Variants in EDIL3 observed in about 807,000 individuals in gnomAD.
EDIL3 encodes the protein EGF like and discoidin domains 3, also known as EGF-like repeat and discoidin I-like domain-containing protein 3.
Under a neutral mutation model 67.4 loss-of-function variants are expected in EDIL3, and 37 were observed. The ratio of observed to expected loss-of-function variants is 0.55; its 90% CI spans 0.42 to 0.72. EDIL3 has a LOEUF of 0.72. Among genes scored for constraint, EDIL3 ranks in the 30% least tolerant of loss-of-function variants. The pLI is 0.00. For missense variants in EDIL3, 527 were observed against 586.3 expected (o/e 0.90, Z 1.04); for synonymous variants, 195 against 196.3 (o/e 0.99, Z 0.05).
At chr5:84,211,283 C>G (rs535149899) in intron 3 of EDIL3, among the ~76,000 whole-genome samples, 1 of 152,208 alleles carries the variant, frequency 6.6e-6, no homozygotes, top group South Asian at 2.1e-4. Flanking sequence ...TGAAAAGAGA[C>G]TAGCACCTCC....
rs113592209 is a variant in EDIL3, at chr5:84,225,962, C to A, written c.226+3893G>T. 2.4e-3 allele frequency among the ~76,000 whole-genome samples: 364 copies of A among 151,638 alleles called. 1 individual carries two copies. The highest frequency in any genetic ancestry group is 7.2e-3 in the African/African-American group (297 of 41,494). ...TGCTGTGATTTTTGGCAGTAAAAAA[C>A]GCTATTTATTGTATTATTTATTCTA... On this transcript the variant is annotated intron_variant, in intron 3 of 10. Coordinates refer to ENST00000296591, the MANE Select transcript of EDIL3 (RefSeq NM_005711.5).
In EDIL3 at chr5:84,384,615, G is replaced by C. The variant is rs1009441009; in HGVS notation, c.-241C>G. The C allele has an allele frequency of 2.5e-5, 8 of 325,428 alleles. No individual in the cohort carries two copies. Among genetic ancestry groups the C allele is most frequent in the Admixed American group, 5.0e-5 (1 of 20,164 alleles). The allele number at this position is 325,428 out of a possible 1,614,324, so 20.2% of individuals were successfully genotyped here. Reference sequence around the variant, plus strand: ...GCGCGCGGAGGTGGGTGAGCTCCGGGGAGCCGCCGGCGGGCTCAGCCCTCC... The same window carrying C: ...GCGCGCGGAGGTGGGTGAGCTCCGGCGAGCCGCCGGCGGGCTCAGCCCTCC... On this transcript the variant is annotated 5_prime_UTR_variant, in exon 1 of 11. Transcript: ENST00000296591.
intron 5 of EDIL3, among the ~76,000 whole-genome samples, chr5:84,107,540 T>C (rs1359996449): frequency 2.0e-5 from 3 of 151,574 alleles, no homozygotes; most frequent in African/African-American, 7.2e-5. Context: ...ATTAGCACTT[T>C]AGTTTCAAAT....
chr5:84,342,135 G>A (rs1028647028), intron 1 of EDIL3, among the ~76,000 whole-genome samples: 5 of 152,162 alleles, frequency 3.3e-5, no homozygotes, highest in East Asian at 1.9e-4. Context: ...ACTGGATAAA[G>A]AAAATAGAGT....
At chr5:84,295,838 T>A (rs1293616037) in intron 1 of EDIL3, among the ~76,000 whole-genome samples, 1 of 152,176 alleles carries the variant, frequency 6.6e-6, no homozygotes, top group East Asian at 1.9e-4. Context: ...CCCAAAGACA[T>A]GTTTTTAATT....
At chr5:83,974,685 G>GA (rs1744850264) in intron 9 of EDIL3, among the ~76,000 whole-genome samples, 2 of 151,952 alleles carry the variant, frequency 1.3e-5, no homozygotes, top group Non-Finnish European at 2.9e-5. Flanking sequence ...TAGTCTTAGA[G>GA]AGCCTCATTA....
chr5:84,198,675 G>A (rs751035083), intron 3 of EDIL3, among the ~76,000 whole-genome samples: 12 of 152,142 alleles, frequency 7.9e-5, no homozygotes, highest in Admixed American at 2.0e-4. Context: ...TGGAAATACT[G>A]TGTTAAGAAA....
intron 3 of EDIL3, among the ~76,000 whole-genome samples, chr5:84,185,796 A>T (rs1264078650): frequency 1.3e-5 from 2 of 152,148 alleles, no homozygotes; most frequent in Non-Finnish European, 2.9e-5. Flanking sequence ...ACAGACCATT[A>T]GAATGTGTAC....
intron 9 of EDIL3, among the ~76,000 whole-genome samples, chr5:84,002,619 T>G (rs1309356318): frequency 1.3e-5 from 2 of 152,216 alleles, no homozygotes; most frequent in African/African-American, 4.8e-5. Flanking sequence ...CAAAAATCAG[T>G]TGCATTTCTA....
chr5:83,963,022 C>T (rs904554592), intron 10 of EDIL3, among the ~76,000 whole-genome samples, 183 bp downstream of exon 10: 1 of 151,530 alleles, frequency 6.6e-6, no homozygotes, highest in African/African-American at 2.4e-5. Context: ...CTAGGTTGCA[C>T]CATTGCATAC....
chr5:83,950,301 G>A (rs1398813623), intron 10 of EDIL3, among the ~76,000 whole-genome samples: 2 of 151,822 alleles, frequency 1.3e-5, no homozygotes, highest in Non-Finnish European at 2.9e-5. Flanking sequence ...TTGGGGAACT[G>A]TGAATGTGCA....
intron 1 of EDIL3, among the ~76,000 whole-genome samples, chr5:84,376,338 C>CA (rs201712235): frequency 0.012 from 1,760 of 151,036 alleles, 37 homozygotes; most frequent in African/African-American, 0.04. Context: ...GAAAAGAAAG[C>CA]AAAAAAAATA....
intron 9 of EDIL3, among the ~76,000 whole-genome samples, chr5:84,016,083 CTTCT>C (rs1458594692): frequency 6.6e-6 from 1 of 152,098 alleles, no homozygotes; most frequent in Non-Finnish European, 1.5e-5. Flanking sequence ...CTGCTGTTTC[CTTCT>C]TTGTGTTCAT....
intron 1 of EDIL3, among the ~76,000 whole-genome samples, chr5:84,286,456 C>T (rs1229653506): frequency 6.6e-6 from 1 of 152,154 alleles, no homozygotes; most frequent in Admixed American, 6.6e-5. Context: ...GGCTGATATG[C>T]AGTGCTTAAG....
intron 9 of EDIL3, among the ~76,000 whole-genome samples, chr5:84,000,177 T>C (rs1010713229): frequency 1.3e-5 from 2 of 152,140 alleles, no homozygotes; most frequent in African/African-American, 4.8e-5. Flanking sequence ...AAAAAAATGA[T>C]ATTAATGAGC....
At chr5:84,296,359 T>C (rs1488585893) in intron 1 of EDIL3, among the ~76,000 whole-genome samples, 4 of 152,212 alleles carry the variant, frequency 2.6e-5, no homozygotes, top group Non-Finnish European at 4.4e-5. Flanking sequence ...GTAAAAGTTA[T>C]ATTCTAGAAT....
intron 1 of EDIL3, among the ~76,000 whole-genome samples, chr5:84,294,097 T>C (rs947945833): frequency 1.3e-5 from 2 of 151,766 alleles, no homozygotes; most frequent in African/African-American, 2.4e-5. Flanking sequence ...AATTAAGTCA[T>C]CATCGGCCGG....
At position 84,252,493 on chromosome 5, in the gene EDIL3, CAAAAAAAAAA is replaced by C. The variant is rs70975548; in HGVS notation, c.196+1581_196+1590del. ...TGTGCGACAAAGTGAGACTCCGTCT[CAAAAAAAAAA>C]AAAAAAAAAAAAAAATTCTGCTAAG... On this transcript the variant is annotated intron_variant, in intron 2 of 10. Coordinates refer to ENST00000296591, the MANE Select transcript of EDIL3 (RefSeq NM_005711.5). 2.1e-4 allele frequency among the ~76,000 whole-genome samples: 6 copies of C among 28,944 alleles called. 1 individual carries two copies. Among genetic ancestry groups the C allele is most frequent in the African/African-American group, 8.2e-4 (6 of 7,346 alleles). 19.0% of individuals were successfully genotyped at this position (28,944 alleles called of 152,430 possible).
chr5:83,948,819 G>A (rs1021857779), intron 10 of EDIL3, among the ~76,000 whole-genome samples: 1 of 151,598 alleles, frequency 6.6e-6, no homozygotes, highest in Non-Finnish European at 1.5e-5. Context: ...AATTTTCTAG[G>A]AAAATTTACC....
Sources: gnomAD v4.1 joint callset for allele counts (sites outside exome capture counted in the v4.1 genomes callset) on GRCh38, gnomAD v4.1.1 for gene constraint, MANE v1.5 for transcripts, NCBI Gene and HGNC (gene_info 2026-07-23, HGNC 2026-07-21) for gene names.